The following ADARB2 variants were observed in gnomAD, a reference collection of about 807,000 sequenced individuals.
The protein encoded by ADARB2 is adenosine deaminase RNA specific B2 (inactive).
In ADARB2, 25 loss-of-function variants were observed where a neutral mutation model predicts 62.2. The observed-to-expected ratio is 0.40, with a 90% CI of 0.29 to 0.56. The LOEUF is 0.56. Ranked by LOEUF, ADARB2 falls within the 20% of genes least tolerant of loss-of-function variation. The pLI, the probability that ADARB2 is intolerant of heterozygous loss-of-function variation, is 0.43. For missense variants in ADARB2, 1,071 were observed against 1,077.4 expected (o/e 0.99, Z 0.08); for synonymous variants, 572 against 500.8 (o/e 1.14, Z -1.90).
At chr10:1,374,951 C>T (rs546472807) in intron 2 of ADARB2, among the ~76,000 whole-genome samples, 3 of 151,166 alleles carry the variant, frequency 2.0e-5, no homozygotes, top group Admixed American at 1.3e-4. Context: ...GGTCTGGAAG[C>T]GACAGGAGGC....
rs141163464 is a variant in ADARB2, at chr10:1,619,172, G to A, written c.100+117879C>T. The stretch of plus-strand genomic sequence containing the variant: ...ATCATTAGTTGCATTAAATATGAAT[G>A]GTCTAAACACCCAAATAAAAAGAGC... On this transcript the variant is annotated intron_variant, in intron 1 of 9. Transcript: ENST00000381312. Among the ~76,000 whole-genome samples the A allele has an allele frequency of 1.6e-4, 24 of 151,754 alleles. No individual in the cohort carries two copies. In the East Asian group the frequency reaches 4.3e-3, roughly 27 times the overall value.
chr10:1,591,213 A>G (rs2132007700), intron 1 of ADARB2, among the ~76,000 whole-genome samples: 1 of 152,230 alleles, frequency 6.6e-6, no homozygotes, highest in East Asian at 1.9e-4. Flanking sequence ...GGGTGGGAGA[A>G]GCCACCCTGA....
chr10:1,679,558 T>TA (rs1423388238), intron 1 of ADARB2, among the ~76,000 whole-genome samples: 1 of 152,164 alleles, frequency 6.6e-6, no homozygotes, highest in Non-Finnish European at 1.5e-5. Context: ...CCTGGGCCCT[T>TA]AAAATCTCAT....
Position 1,178,860 on chromosome 10 carries a change from T to C in ADARB2, c.*4333A>G, listed in dbSNP as rs1176322708. On this transcript the variant is annotated 3_prime_UTR_variant, in exon 10 of 10. Transcript: ENST00000381312. Reference sequence around the variant, plus strand: ...CCCACAGAGCCTCACCGGGTTCTGTTGGGTGTTATGAGAGGCGGCTGCAGC... The same window carrying C: ...CCCACAGAGCCTCACCGGGTTCTGTCGGGTGTTATGAGAGGCGGCTGCAGC... 2.0e-5 allele frequency: 3 copies of C among 152,216 alleles called. No individual in the cohort carries two copies. In the East Asian group the frequency reaches 5.8e-4, roughly 29 times the overall value. 9.4% of individuals were successfully genotyped at this position (152,216 alleles called of 1,614,324 possible). A position where few individuals can be genotyped will look rare whatever the true frequency, so the allele number is the denominator to read the frequency against.
intron 3 of ADARB2, among the ~76,000 whole-genome samples, chr10:1,342,664 C>T (rs1051945935): frequency 1.3e-5 from 2 of 152,222 alleles, no homozygotes; most frequent in Non-Finnish European, 2.9e-5. Flanking sequence ...ATCAGCAGCA[C>T]TCTGGCTCTG....
chr10:1,677,135 G>T (rs1050162131), intron 1 of ADARB2, among the ~76,000 whole-genome samples: 11 of 152,230 alleles, frequency 7.2e-5, no homozygotes, highest in African/African-American at 2.7e-4. Context: ...TAATAAAGGA[G>T]CAGGCTTGGA....
chr10:1,557,201 T>A (rs1183450829), intron 1 of ADARB2, among the ~76,000 whole-genome samples: 1 of 150,182 alleles, frequency 6.7e-6, no homozygotes, highest in Non-Finnish European at 1.5e-5. Flanking sequence ...AGCCACTGTG[T>A]CCAGTCCATG....
At chr10:1,720,811 A>G (rs904539983) in intron 1 of ADARB2, among the ~76,000 whole-genome samples, 5 of 152,196 alleles carry the variant, frequency 3.3e-5, no homozygotes, top group African/African-American at 1.2e-4. Context: ...AACTAATATC[A>G]TATGGAAAAA....
intron 1 of ADARB2, among the ~76,000 whole-genome samples, chr10:1,703,886 G>A (rs1393755336): frequency 2.6e-5 from 4 of 152,184 alleles, no homozygotes; most frequent in Admixed American, 2.0e-4. Context: ...GGTCAACCAC[G>A]GGAATGAGTG....
intron 3 of ADARB2, among the ~76,000 whole-genome samples, chr10:1,281,153 T>C (rs1831367647): frequency 6.6e-6 from 1 of 152,220 alleles, no homozygotes; most frequent in Non-Finnish European, 1.5e-5. Context: ...ATTTGACATG[T>C]GTGGTGGATC....
chr10:1,394,598 T>C (rs1256614253), intron 1 of ADARB2, among the ~76,000 whole-genome samples: 1 of 152,214 alleles, frequency 6.6e-6, no homozygotes, highest in African/African-American at 2.4e-5. Context: ...CCTCGTGGAA[T>C]TTCACGGAGG....
intron 1 of ADARB2, among the ~76,000 whole-genome samples, chr10:1,508,632 A>G (rs1303212756): frequency 6.6e-6 from 1 of 152,198 alleles, no homozygotes; most frequent in Non-Finnish European, 1.5e-5. Context: ...TACAAAAATT[A>G]GCCGGATGTG....
intron 1 of ADARB2, among the ~76,000 whole-genome samples, chr10:1,510,859 CTCTG>C (rs1313461114): frequency 6.6e-6 from 1 of 151,870 alleles, no homozygotes; most frequent in Non-Finnish European, 1.5e-5. Flanking sequence ...CCAAAGCTCT[CTCTG>C]TCTCTCTCTC....
chr10:1,558,767 G>T (rs12767862), intron 1 of ADARB2, among the ~76,000 whole-genome samples: 2 of 6,822 alleles, frequency 2.9e-4, no homozygotes, highest in Non-Finnish European at 6.7e-4. Flanking sequence ...GCCCCACTCC[G>T]TGGGTGCTCA....
intron 4 of ADARB2, among the ~76,000 whole-genome samples, chr10:1,256,788 T>G (rs865945844): frequency 1.3e-5 from 2 of 152,212 alleles, no homozygotes; most frequent in African/African-American, 2.4e-5. Context: ...ATTAATAGAT[T>G]GAAAAGTCTA....
chr10:1,345,548 T>A (rs59476360), intron 3 of ADARB2, among the ~76,000 whole-genome samples: 7,605 of 152,156 alleles, frequency 0.05, 652 homozygotes, highest in African/African-American at 0.17. Context: ...CCTTGGGAAC[T>A]GAGCCAGCCC....
At chr10:1,355,819 T>G (rs1832189448) in intron 3 of ADARB2, among the ~76,000 whole-genome samples, 1 of 152,272 alleles carries the variant, frequency 6.6e-6, no homozygotes, top group Non-Finnish European at 1.5e-5. Flanking sequence ...ACATTGTGAT[T>G]GCATGTACAT....
intron 3 of ADARB2, among the ~76,000 whole-genome samples, chr10:1,327,113 A>C (rs1227046128): frequency 4.0e-4 from 34 of 84,144 alleles, no homozygotes; most frequent in Admixed American, 7.6e-4. Context: ...TCCCCACGGC[A>C]CAGCGCCTCA....
At chr10:1,365,918 A>G (rs574907098) in intron 2 of ADARB2, among the ~76,000 whole-genome samples, 64 of 152,254 alleles carry the variant, frequency 4.2e-4, no homozygotes, top group Non-Finnish European at 7.9e-4. Flanking sequence ...ACAGAATACT[A>G]TATAGCAGTT....
Sources: gnomAD v4.1 joint callset for allele counts (sites outside exome capture counted in the v4.1 genomes callset) on GRCh38, gnomAD v4.1.1 for gene constraint, MANE v1.5 for transcripts, NCBI Gene and HGNC (gene_info 2026-07-23, HGNC 2026-07-21) for gene names.